FBXW10B: variants seen among roughly 807,000 people sequenced by gnomAD.
The protein encoded by FBXW10B is F-box and WD repeat domain containing protein 10B.
chr17:15,578,974 T>C, the FBXW10B span, among the ~76,000 whole-genome samples: 3 of 152,182 alleles, frequency 2.0e-5, no homozygotes, highest in Admixed American at 6.5e-5. Context: ...ACTCATTCAG[T>C]GTAGATCTGG....
the FBXW10B span, chr17:15,613,747 A>G: frequency 3.5e-5 from 43 of 1,240,610 alleles, no homozygotes; most frequent in Admixed American, 1.3e-4. Context: ...GCATTCCTGG[A>G]AAAAAAAAAA....
chr17:15,611,900 C>A, the FBXW10B span, among the ~76,000 whole-genome samples: 1 of 152,212 alleles, frequency 6.6e-6, no homozygotes, highest in Non-Finnish European at 1.5e-5. Flanking sequence ...ATTTAATTAA[C>A]TTTCCCCTTC....
At chr17:15,566,334 T>C in the FBXW10B span, 221 of 1,413,102 alleles carry the variant, frequency 1.6e-4, 34 homozygotes, top group Non-Finnish European at 2.0e-4. Context: ...GTCCTTGTTT[T>C]TGTGCTTTCT....
chr17:15,616,799 G>C, the FBXW10B span, among the ~76,000 whole-genome samples: 1 of 130,484 alleles, frequency 7.7e-6, no homozygotes, highest in Non-Finnish European at 1.6e-5. Context: ...GCAACAGAGT[G>C]AGACTCTGTC....
the FBXW10B span, chr17:15,573,921 C>A: frequency 2.2e-6 from 1 of 460,176 alleles, no homozygotes; most frequent in Middle Eastern, 5.6e-4. Flanking sequence ...AAAATCAATG[C>A]AATGACATTG....
At chr17:15,610,424 T>A in the FBXW10B span, among the ~76,000 whole-genome samples, 862 of 152,312 alleles carry the variant, frequency 5.7e-3, 4 homozygotes, top group Non-Finnish European at 8.4e-3. Context: ...TTTCTGCAGC[T>A]GCAGGCATAC....
the FBXW10B span, chr17:15,614,041 G>T: frequency 1.2e-6 from 2 of 1,610,280 alleles, no homozygotes; most frequent in Non-Finnish European, 8.5e-7. Flanking sequence ...CCTCTAGAGT[G>T]AAGCCGGAGA....
the FBXW10B span, among the ~76,000 whole-genome samples, chr17:15,575,994 AGATTC>A: frequency 6.6e-6 from 1 of 152,204 alleles, no homozygotes; most frequent in South Asian, 2.1e-4. Context: ...AAAGCCAAAG[AGATTC>A]TTAATATTTA....
At chr17:15,605,381 C>T in the FBXW10B span, 3 of 1,582,158 alleles carry the variant, frequency 1.9e-6, no homozygotes, top group Non-Finnish European at 2.6e-6. Context: ...ACACAGCTAT[C>T]AGATCTCCCC....
chr17:15,600,148 G>A, the FBXW10B span, among the ~76,000 whole-genome samples: 146 of 151,876 alleles, frequency 9.6e-4, 1 homozygote, highest in East Asian at 7.6e-3. Flanking sequence ...CCTGGGAGGC[G>A]GAGCTTGCAG....
chr17:15,611,084 C>T, the FBXW10B span, among the ~76,000 whole-genome samples: 3 of 145,442 alleles, frequency 2.1e-5, no homozygotes, highest in African/African-American at 5.2e-5. Flanking sequence ...AGTGCAGAGG[C>T]GCAATCTCGG....
At chr17:15,565,638 G>A in the FBXW10B span, 3 of 1,614,276 alleles carry the variant, frequency 1.9e-6, no homozygotes, top group Non-Finnish European at 2.5e-6. Context: ...CAGCTTTGCT[G>A]GCTTTTCCTG....
the FBXW10B span, chr17:15,594,687 A>G: frequency 2.5e-6 from 4 of 1,572,778 alleles, no homozygotes; most frequent in East Asian, 6.8e-5. Context: ...ATTGCAGTCT[A>G]GGCTATGACG....
At chr17:15,600,422 G>T in the FBXW10B span, among the ~76,000 whole-genome samples, 1 of 148,214 alleles carries the variant, frequency 6.7e-6, no homozygotes, top group Admixed American at 6.8e-5. Context: ...ACAGTGCTCT[G>T]AAAGAAAGCA....
the FBXW10B span, chr17:15,588,800 G>A: frequency 4.9e-6 from 6 of 1,233,290 alleles, no homozygotes; most frequent in African/African-American, 7.4e-5. Context: ...TTTAGGCAGT[G>A]TGATTGAGTT....
At chr17:15,619,218 C>G in the FBXW10B span, 1 of 1,613,972 alleles carries the variant, frequency 6.2e-7, no homozygotes, top group Non-Finnish European at 8.5e-7. Flanking sequence ...ACAACTTTCC[C>G]CTCTTTCTTG....
At chr17:15,615,321 C>CTT in the FBXW10B span, among the ~76,000 whole-genome samples, 224 of 88,692 alleles carry the variant, frequency 2.5e-3, 8 homozygotes, top group African/African-American at 7.7e-3. Flanking sequence ...TATTGGCTTT[C>CTT]TTTTTTTTTT....
chr17:15,612,438 C>T, the FBXW10B span, among the ~76,000 whole-genome samples: 3 of 151,974 alleles, frequency 2.0e-5, no homozygotes, highest in African/African-American at 4.8e-5. Context: ...GGCGTGAACC[C>T]GGGAGGCGGA....
the FBXW10B span, among the ~76,000 whole-genome samples, chr17:15,604,092 C>A: frequency 0.39 from 54,044 of 137,634 alleles, 13,762 homozygotes; most frequent in African/African-American, 0.74. Flanking sequence ...AAAAAAAAAA[C>A]AAAAACTAGA....
Sources: gnomAD v4.1 joint callset for allele counts (sites outside exome capture counted in the v4.1 genomes callset) on GRCh38, gnomAD v4.1.1 for gene constraint, MANE v1.5 for transcripts, NCBI Gene and HGNC (gene_info 2026-07-23, HGNC 2026-07-21) for gene names.